DNM3: variants seen among roughly 807,000 people sequenced by gnomAD.
DNM3 encodes the protein dynamin 3, also known as dynamin-3.
A neutral mutation model predicts 101.6 loss-of-function variants in DNM3; 47 were observed. The observed-to-expected ratio is 0.46, with a 90% CI of 0.37 to 0.59. DNM3 has a LOEUF of 0.59. Ranked by LOEUF, DNM3 falls within the 20% of genes least tolerant of loss-of-function variation. The probability of loss-of-function intolerance (pLI) is 0.00; values close to 1 mark genes in which losing one functional copy is unlikely to be tolerated. For missense variants in DNM3, 849 were observed against 1,085.7 expected (o/e 0.78, Z 3.06); for synonymous variants, 385 against 387.9 (o/e 0.99, Z 0.09).
At chr1:171,961,677 A>G (rs770464934) in intron 2 of DNM3, among the ~76,000 whole-genome samples, 3 of 152,212 alleles carry the variant, frequency 2.0e-5, no homozygotes, top group Non-Finnish European at 4.4e-5. Context: ...ATTTTTTACA[A>G]TAGCTAAACA....
chr1:171,872,872 T>C (rs2035426747), intron 1 of DNM3, among the ~76,000 whole-genome samples: 1 of 152,186 alleles, frequency 6.6e-6, no homozygotes, highest in Non-Finnish European at 1.5e-5. Flanking sequence ...AGGTGAAAAG[T>C]ATTTCAAGAG....
chr1:171,992,928 T>C (rs2045733398), intron 4 of DNM3, among the ~76,000 whole-genome samples: 1 of 152,098 alleles, frequency 6.6e-6, no homozygotes. Flanking sequence ...TCTTAATTTA[T>C]AGCAATCTAG....
In DNM3 at chr1:172,098,556, C is replaced by T. The variant is rs140739632; in HGVS notation, c.1545+5681C>T. Among the ~76,000 whole-genome samples the T allele has an allele frequency of 6.5e-3, 992 of 152,112 alleles. 15 individuals are homozygous for T. The highest frequency in any genetic ancestry group is 0.022 in the African/African-American group (926 of 41,474). On this transcript the variant is annotated intron_variant, in intron 13 of 20. Coordinates refer to ENST00000627582, the MANE Select transcript of DNM3 (RefSeq NM_015569.5). ...GGTGACATACATCCTCCTCAGCTTA[C>T]GAAGATGACGGGATTAAGAGATTAA...
At chr1:172,122,222 T>C (rs2056366094) in intron 13 of DNM3, among the ~76,000 whole-genome samples, 1 of 152,188 alleles carries the variant, frequency 6.6e-6, no homozygotes, top group Non-Finnish European at 1.5e-5. Context: ...GTTTCAATCA[T>C]AGGTAACATT....
chr1:172,304,981 G>A (rs1044819342), intron 15 of DNM3, among the ~76,000 whole-genome samples: 5 of 152,038 alleles, frequency 3.3e-5, no homozygotes, highest in Admixed American at 6.6e-5. Context: ...AACTAGAGAC[G>A]CAAAAGCAAA....
In DNM3 at chr1:172,179,827, T is replaced by C. The variant is rs939052256; in HGVS notation, c.1659+48539T>C. Among the ~76,000 whole-genome samples the C allele has an allele frequency of 2.6e-5, 4 of 152,064 alleles. 1 individual carries two copies. Among genetic ancestry groups the C allele is most frequent in the South Asian group, 4.1e-4 (2 of 4,830 alleles). ...AATAGCTTCATCAGAGCAGGTGTTA[T>C]TACTTTTTTATGTATTAAAAAACTA... On this transcript the variant is annotated intron_variant, in intron 14 of 20. Transcript: ENST00000627582.
intron 16 of DNM3, among the ~76,000 whole-genome samples, chr1:172,320,772 G>A (rs1017537766): frequency 2.0e-5 from 3 of 152,076 alleles, no homozygotes; most frequent in Non-Finnish European, 4.4e-5. Flanking sequence ...AGCCTCCATC[G>A]GTTAGTCAGG....
chr1:171,867,446 C>G (rs1362808398), intron 1 of DNM3, among the ~76,000 whole-genome samples: 1 of 152,186 alleles, frequency 6.6e-6, no homozygotes, highest in Non-Finnish European at 1.5e-5. Flanking sequence ...TAGGCTGCAT[C>G]CCTGGTTTAT....
intron 15 of DNM3, among the ~76,000 whole-genome samples, chr1:172,271,957 C>A (rs572560048): frequency 1.4e-4 from 22 of 152,126 alleles, no homozygotes; most frequent in African/African-American, 4.8e-4. Flanking sequence ...ATGAGTTTTC[C>A]AAAACTCTAA....
intron 2 of DNM3, among the ~76,000 whole-genome samples, chr1:171,935,676 T>C (rs965214953): frequency 6.6e-5 from 10 of 151,660 alleles, no homozygotes; most frequent in African/African-American, 2.4e-4. Context: ...TCTCTTTCCA[T>C]GTCCATATTC....
chr1:171,996,398 GATC>G (rs1462987688), intron 4 of DNM3, among the ~76,000 whole-genome samples: 3 of 152,118 alleles, frequency 2.0e-5, no homozygotes, highest in Non-Finnish European at 4.4e-5. Context: ...GTATGGGTGA[GATC>G]CTATTTTGGG....
At chr1:172,290,280 A>G (rs1174601022) in intron 15 of DNM3, among the ~76,000 whole-genome samples, 1 of 152,182 alleles carries the variant, frequency 6.6e-6, no homozygotes, top group East Asian at 1.9e-4. Flanking sequence ...GAAAAGAGTA[A>G]GAATGGGTGA....
At chr1:172,406,112 A>T (rs2070864025) in intron 20 of DNM3, among the ~76,000 whole-genome samples, 1 of 151,992 alleles carries the variant, frequency 6.6e-6, no homozygotes, top group Non-Finnish European at 1.5e-5. Context: ...TGAAGATAAC[A>T]TATAAGCCTA....
chr1:172,056,294 T>C (rs1558495891), intron 10 of DNM3, among the ~76,000 whole-genome samples: 2 of 152,146 alleles, frequency 1.3e-5, no homozygotes, highest in African/African-American at 4.8e-5. Context: ...CCAGGCTTGC[T>C]TAGGTAAACA....
intron 13 of DNM3, among the ~76,000 whole-genome samples, chr1:172,116,807 TAACTTTTTTAGTCATGAA>T (rs1029561281): frequency 3.3e-5 from 5 of 152,344 alleles, no homozygotes; most frequent in African/African-American, 1.2e-4. Context: ...AGGAATTTCA[TAACTTTTTTAGTCATGAA>T]AACTTTTTTC....
rs113749589 is a variant in DNM3 at position 172,077,880 on chromosome 1, G to A, written c.1423-3952G>A. Among the ~76,000 whole-genome samples the A allele has an allele frequency of 2.5e-3, 382 of 152,220 alleles. 1 individual carries two copies. The highest frequency in any genetic ancestry group is 4.6e-3 in the South Asian group (22 of 4,818). On this transcript the variant is annotated intron_variant, in intron 11 of 20. Coordinates refer to ENST00000627582, the MANE Select transcript of DNM3 (RefSeq NM_015569.5). ...TGTTAACCTTCTGTCTCGTTGATCT[G>A]TCTAATATTGACAGTGGGGTGTTAA...
At chr1:172,259,460 A>G (rs911331777) in intron 15 of DNM3, among the ~76,000 whole-genome samples, 3 of 152,052 alleles carry the variant, frequency 2.0e-5, no homozygotes, top group African/African-American at 7.2e-5. Flanking sequence ...CAATCATTAC[A>G]ATCATTATAT....
chr1:172,145,088 A>G (rs917570991), intron 14 of DNM3, among the ~76,000 whole-genome samples: 1 of 152,114 alleles, frequency 6.6e-6, no homozygotes, highest in Non-Finnish European at 1.5e-5. Flanking sequence ...CAAGATGTAC[A>G]GTTCGGCTGT....
chr1:172,398,584 G>A (rs996932096), intron 20 of DNM3, among the ~76,000 whole-genome samples: 1 of 152,146 alleles, frequency 6.6e-6, no homozygotes, highest in Non-Finnish European at 1.5e-5. Context: ...CAGGCAGTTA[G>A]ATGTATGTGA....
Sources: allele counts gnomAD v4.1 joint callset (sites outside exome capture counted in the v4.1 genomes callset), GRCh38; gene constraint gnomAD v4.1.1; transcripts MANE v1.5; gene names NCBI Gene and HGNC (gene_info 2026-07-23, HGNC 2026-07-21).